Variants in RSPH14 observed in about 807,000 individuals in gnomAD.
RSPH14 encodes radial spoke head 14 homolog.
In RSPH14, 20 loss-of-function variants were observed where a neutral mutation model predicts 26.7. The ratio of observed to expected loss-of-function variants is 0.75; its 90% CI spans 0.53 to 1.09. The LOEUF (loss-of-function observed/expected upper bound fraction) is 1.09. Among genes scored for constraint, RSPH14 ranks in the 50% least tolerant of loss-of-function variants. The pLI, the probability that RSPH14 is intolerant of heterozygous loss-of-function variation, is 0.00. For synonymous variants in RSPH14, 177 were observed against 189.3 expected (o/e 0.93, Z 0.53); for missense variants, 449 against 457.2 (o/e 0.98, Z 0.16).
chr22:23,113,179 C>T (rs2267000), intron 4 of RSPH14, among the ~76,000 whole-genome samples: 73,994 of 152,082 alleles, frequency 0.49, 18,286 homozygotes, highest in East Asian at 0.61. Context: ...GGGAAGACAG[C>T]TGAGTGTTCT....
At chr22:23,077,339 C>T (rs138394338) in intron 4 of RSPH14, among the ~76,000 whole-genome samples, 115 of 152,258 alleles carry the variant, frequency 7.6e-4, no homozygotes, top group African/African-American at 2.2e-3. Flanking sequence ...ATGCCTCACT[C>T]CCTGTAGTGA....
At chr22:23,078,695 C>G (rs2068580253) in intron 4 of RSPH14, among the ~76,000 whole-genome samples, 1 of 152,222 alleles carries the variant, frequency 6.6e-6, no homozygotes, top group Non-Finnish European at 1.5e-5. Flanking sequence ...GGGGGATTAT[C>G]CCCATCACTG....
chr22:23,150,576 C>T, the RSPH14 span, among the ~76,000 whole-genome samples: 1 of 152,152 alleles, frequency 6.6e-6, no homozygotes, highest in African/African-American at 2.4e-5. Flanking sequence ...GCTGGGATTA[C>T]AGGTGTGAGC....
At chr22:23,180,034 C>T in the RSPH14 span, 2 of 369,784 alleles carry the variant, frequency 5.4e-6, no homozygotes, top group Non-Finnish European at 5.1e-6. Context: ...ACGCTTATGG[C>T]ACTGCGGCGT....
At chr22:23,074,084 T>C (rs956979016) in intron 4 of RSPH14, among the ~76,000 whole-genome samples, 1 of 151,378 alleles carries the variant, frequency 6.6e-6, no homozygotes, top group East Asian at 1.9e-4. Context: ...GGAGTGTGGG[T>C]GGGGTGTCAG....
intron 4 of RSPH14, among the ~76,000 whole-genome samples, chr22:23,111,148 C>T (rs1391634623): frequency 6.6e-6 from 1 of 152,226 alleles, no homozygotes; most frequent in African/African-American, 2.4e-5. Context: ...CACACTGAGC[C>T]TCTGCCGGGG....
chr22:23,078,675 G>A (rs1223774807), intron 4 of RSPH14, among the ~76,000 whole-genome samples: 1 of 152,252 alleles, frequency 6.6e-6, no homozygotes, highest in African/African-American at 2.4e-5. Context: ...CTCTGGGTGG[G>A]CCAGGGTTTG....
the RSPH14 span, chr22:23,162,897 G>GT: frequency 1.2e-5 from 4 of 346,056 alleles, no homozygotes; most frequent in Non-Finnish European, 2.3e-5. Flanking sequence ...ATTTTTTGTA[G>GT]TTTTTTATAT....
At chr22:23,152,250 C>T in the RSPH14 span, among the ~76,000 whole-genome samples, 1 of 152,166 alleles carries the variant, frequency 6.6e-6, no homozygotes, top group Non-Finnish European at 1.5e-5. Context: ...GTGAGGGGTG[C>T]AGCTCTAGGG....
At chr22:23,171,447 G>T in the RSPH14 span, among the ~76,000 whole-genome samples, 1 of 152,160 alleles carries the variant, frequency 6.6e-6, no homozygotes, top group African/African-American at 2.4e-5. Context: ...GGAGTAGCTG[G>T]AACTACAAGT....
At chr22:23,085,017 C>T (rs919889609) in intron 4 of RSPH14, among the ~76,000 whole-genome samples, 1 of 152,184 alleles carries the variant, frequency 6.6e-6, no homozygotes, top group Non-Finnish European at 1.5e-5. Flanking sequence ...CTTGGGGCCA[C>T]CTGCCACTAG....
chr22:23,161,565 CTG>C, the RSPH14 span: 3 of 1,607,834 alleles, frequency 1.9e-6, no homozygotes, highest in Non-Finnish European at 2.5e-6. Context: ...CTGCTGCTAA[CTG>C]GGGCCTGCGT....
At chr22:23,140,495 C>T in intron 1 of RSPH14, 23 bp from the exon 2 acceptor site, 2 of 1,544,764 alleles carry the variant, frequency 1.3e-6, no homozygotes, top group Non-Finnish European at 1.8e-6. Flanking sequence ...AAAAAGCTGT[C>T]ATTATTTCTA....
At chr22:23,150,411 C>T in the RSPH14 span, among the ~76,000 whole-genome samples, 2 of 151,528 alleles carry the variant, frequency 1.3e-5, no homozygotes, top group African/African-American at 2.4e-5. Flanking sequence ...ATGCCATTCT[C>T]CTGCCTCAGC....
At chr22:23,158,928 C>T in the RSPH14 span, 15 of 1,614,052 alleles carry the variant, frequency 9.3e-6, no homozygotes, top group East Asian at 2.2e-5. Flanking sequence ...TGAGGGAGAA[C>T]GAGGCAGGCT....
At chr22:23,067,112 G>A (rs901214719) in intron 4 of RSPH14, among the ~76,000 whole-genome samples, 3 of 152,180 alleles carry the variant, frequency 2.0e-5, no homozygotes, top group Non-Finnish European at 4.4e-5. Flanking sequence ...TGATATGTAG[G>A]GGCTAGGATG....
At chr22:23,082,609 G>T (rs1230343561) in intron 4 of RSPH14, among the ~76,000 whole-genome samples, 1 of 152,064 alleles carries the variant, frequency 6.6e-6, no homozygotes, top group Non-Finnish European at 1.5e-5. Context: ...CTACAACAGA[G>T]CCAAGGCCAC....
chr22:23,098,535 G>C (rs529430584), intron 4 of RSPH14, among the ~76,000 whole-genome samples: 2 of 152,348 alleles, frequency 1.3e-5, no homozygotes, highest in African/African-American at 4.8e-5. Flanking sequence ...GAGGTTCCAG[G>C]CATTCAAGGC....
At chr22:23,064,517 C>A (rs2068162996) in intron 4 of RSPH14, among the ~76,000 whole-genome samples, 1 of 152,184 alleles carries the variant, frequency 6.6e-6, no homozygotes, top group African/African-American at 2.4e-5. Context: ...CTCTTCCCTC[C>A]CCCTGCCCCA....
Sources: gnomAD v4.1 joint callset for allele counts (sites outside exome capture counted in the v4.1 genomes callset) on GRCh38, gnomAD v4.1.1 for gene constraint, MANE v1.5 for transcripts, NCBI Gene and HGNC (gene_info 2026-07-23, HGNC 2026-07-21) for gene names.